TRIM37: variants seen among roughly 807,000 people sequenced by gnomAD.
TRIM37 encodes the protein E3 ubiquitin-protein ligase TRIM37.
Under a neutral mutation model 129.8 loss-of-function variants are expected in TRIM37, and 80 were observed. That is an observed-to-expected ratio of 0.62 (90% CI 0.51 to 0.74). The LOEUF (loss-of-function observed/expected upper bound fraction) is 0.74. Among genes scored for constraint, TRIM37 ranks in the 30% least tolerant of loss-of-function variants. The probability of loss-of-function intolerance (pLI) is 0.00; values close to 1 mark genes in which losing one functional copy is unlikely to be tolerated. For missense variants in TRIM37, 1,054 were observed against 1,176.5 expected (o/e 0.90, Z 1.52); for synonymous variants, 389 against 387.1 (o/e 1.00, Z -0.06).
intron 21 of TRIM37, among the ~76,000 whole-genome samples, 195 bp downstream of exon 21, chr17:59,015,415 G>A (rs1046126954): frequency 6.6e-6 from 1 of 152,064 alleles, no homozygotes; most frequent in Non-Finnish European, 1.5e-5. Flanking sequence ...ACTCCAGCCT[G>A]GGTGACAGAG....
rs1307890925 is a variant in TRIM37 at position 58,983,108 on chromosome 17, A to C, written c.2892-187T>G. ...GCTAGGCTTTCTCAGTGGGGAAAAA[A>C]ATGGCTGGATAGAACTGGGACAAAC... On this transcript the variant is annotated intron_variant, in intron 24 of 24. Transcript: ENST00000393066. 7.0e-6 allele frequency: 4 copies of C among 568,720 alleles called. No homozygotes were observed. In the African/African-American group the frequency reaches 7.6e-5, roughly 11 times the overall value. 35.2% of individuals were successfully genotyped at this position (568,720 alleles called of 1,614,324 possible). A position where few individuals can be genotyped will look rare whatever the true frequency, so the allele number is the denominator to read the frequency against.
intron 3 of TRIM37, among the ~76,000 whole-genome samples, chr17:59,090,523 G>A (rs566972900): frequency 2.3e-4 from 35 of 152,234 alleles, no homozygotes; most frequent in Non-Finnish European, 4.3e-4. Context: ...TGAGAAGACA[G>A]GGTAGGGAGT....
At chr17:58,992,238 G>C (rs1254381329) in intron 24 of TRIM37, among the ~76,000 whole-genome samples, 1 of 105,590 alleles carries the variant, frequency 9.5e-6, no homozygotes, top group East Asian at 2.6e-4. Context: ...TTACTCTCCA[G>C]GCACACTGAT....
the TRIM37 span, among the ~76,000 whole-genome samples, chr17:58,968,640 C>G: frequency 4.3e-4 from 66 of 152,286 alleles, no homozygotes; most frequent in African/African-American, 1.5e-3. Flanking sequence ...TTATTACATA[C>G]TGTTGCCTGA....
chr17:59,083,905 T>C (rs1217952256), intron 5 of TRIM37, 97 bp downstream of exon 5: 1 of 990,632 alleles, frequency 1.0e-6, no homozygotes, highest in African/African-American at 1.6e-5. Flanking sequence ...TAACTTTCAT[T>C]CTACGAGAGC....
intron 2 of TRIM37, among the ~76,000 whole-genome samples, chr17:59,099,069 G>C (rs1351457636): frequency 6.6e-6 from 1 of 152,090 alleles, no homozygotes; most frequent in Non-Finnish European, 1.5e-5. Context: ...TGTAGTCCCA[G>C]CTACTCGGGA....
downstream of TRIM37, chr17:58,981,140 G>A: frequency 1.3e-6 from 1 of 743,606 alleles, no homozygotes; most frequent in South Asian, 2.0e-5. Flanking sequence ...TGAATCCATG[G>A]ATGGCTCAAT....
At chr17:59,093,745 C>T (rs996632950) in intron 2 of TRIM37, among the ~76,000 whole-genome samples, 2 of 152,170 alleles carry the variant, frequency 1.3e-5, no homozygotes, top group Non-Finnish European at 2.9e-5. Context: ...TATATCTGTG[C>T]ATTTGCTTAT....
intron 5 of TRIM37, among the ~76,000 whole-genome samples, chr17:59,083,459 A>G (rs2043486082): frequency 6.6e-6 from 1 of 152,114 alleles, no homozygotes; most frequent in Non-Finnish European, 1.5e-5. Flanking sequence ...AGTATTCAGT[A>G]AACAACAGAA....
At chr17:58,969,456 G>A in the TRIM37 span, 3 of 1,308,252 alleles carry the variant, frequency 2.3e-6, no homozygotes, top group East Asian at 2.3e-5. Flanking sequence ...GAGAAAGGAT[G>A]GGCAACAATG....
downstream of TRIM37, chr17:58,980,346 C>T (rs1400032797): frequency 6.2e-7 from 1 of 1,614,102 alleles, no homozygotes; most frequent in Non-Finnish European, 8.5e-7. The surrounding 1 kb of genome is among the most constrained non-coding windows in gnomAD (Gnocchi z 4.7). Context: ...TGCAAACGCC[C>T]TTGGCCTCAG....
chr17:59,092,461 G>T (rs968229003), intron 2 of TRIM37, among the ~76,000 whole-genome samples: 2 of 151,394 alleles, frequency 1.3e-5, no homozygotes, highest in African/African-American at 4.9e-5. Context: ...AGATATCTTG[G>T]TTTCCTCATA....
At chr17:58,980,300 G>C, downstream of TRIM37, 1 of 1,614,170 alleles carries the variant, frequency 6.2e-7, no homozygotes, top group Non-Finnish European at 8.5e-7. The surrounding 1 kb of genome is among the most constrained non-coding windows in gnomAD (Gnocchi z 4.7). Context: ...AGGAGGGCAA[G>C]AAGATGGTGG....
intron 13 of TRIM37, among the ~76,000 whole-genome samples, 160 bp downstream of exon 13, chr17:59,056,715 C>CAAAAAA (rs2040928347): frequency 2.5e-4 from 1 of 3,926 alleles, no homozygotes; most frequent in Admixed American, 7.5e-3. Flanking sequence ...GACTATGTCT[C>CAAAAAA]CAAAAAAAAA....
chr17:58,999,030 T>A lies in TRIM37; in HGVS notation c.*347A>T. ...AGAGCACCAATGCCGGGCGGGTTAC[T>A]GACGGCATGCAGGGCCTGGAGGTAC... is the stretch of plus-strand genomic sequence containing the variant. On this transcript the variant is annotated 3_prime_UTR_variant, in exon 24 of 24. Coordinates refer to ENST00000262294, the MANE Select transcript of TRIM37 (RefSeq NM_015294.6). The A allele has an allele frequency of 8.8e-7, 1 of 1,130,824 alleles. No homozygotes were observed. Among genetic ancestry groups the A allele is most frequent in the Non-Finnish European group, 1.1e-6 (1 of 916,890 alleles). 70.0% of individuals were successfully genotyped at this position (1,130,824 alleles called of 1,614,324 possible). A position where few individuals can be genotyped will look rare whatever the true frequency, so the allele number is the denominator to read the frequency against.
In TRIM37 at chr17:58,990,218, T is replaced by C. The variant is rs533342132; in HGVS notation, c.2892-7297A>G. Among the ~76,000 whole-genome samples the C allele has an allele frequency of 9.1e-4, 120 of 131,896 alleles. 1 individual carries two copies. Among genetic ancestry groups the C allele is most frequent in the African/African-American group, 3.4e-3 (119 of 34,666 alleles). The allele number at this position is 131,896 out of a possible 152,430, so 86.5% of individuals were successfully genotyped here. ...AAAAAAAAAAAAAAAAGGCTAGGCA[T>C]GGTAGCTCACACCTATAATCCCAGC... On this transcript the variant is annotated intron_variant, in intron 24 of 24. Coordinates refer to the TRIM37 transcript ENST00000393066.
rs948870325 is a variant in TRIM37, at chr17:59,010,726, C to T, written c.2695+1602G>A. ...CAGGCTGGTCTCGAACTCCTGACTTCAAGTGATCCGCCTGCCTCAGCCTCC... is the reference window on the plus strand; with the variant it reads ...CAGGCTGGTCTCGAACTCCTGACTTTAAGTGATCCGCCTGCCTCAGCCTCC... On this transcript the variant is annotated intron_variant, in intron 22 of 23. Coordinates refer to ENST00000262294, the MANE Select transcript of TRIM37 (RefSeq NM_015294.6). Among the ~76,000 whole-genome samples, 4 of 152,088 alleles carry T rather than the reference C, an allele frequency of 2.6e-5. No homozygotes were observed. In the East Asian group the frequency reaches 7.7e-4, roughly 29 times the overall value.
intron 7 of TRIM37, among the ~76,000 whole-genome samples, chr17:59,079,542 A>C (rs916840833): frequency 6.6e-6 from 1 of 152,182 alleles, no homozygotes; most frequent in Non-Finnish European, 1.5e-5. Flanking sequence ...ATGGCTATGA[A>C]AACTTGGATT....
At chr17:59,051,965 CG>C (rs1473687455) in intron 13 of TRIM37, among the ~76,000 whole-genome samples, 1 of 152,012 alleles carries the variant, frequency 6.6e-6, no homozygotes, top group Admixed American at 6.6e-5. Context: ...CTCACGTTCC[CG>C]TATTTCCTGC....
Sources: gnomAD v4.1 joint callset for allele counts (sites outside exome capture counted in the v4.1 genomes callset) on GRCh38, gnomAD v4.1.1 for gene constraint, Gnocchi (gnomAD v3.1) non-coding constraint, MANE v1.5 for transcripts, NCBI Gene and HGNC (gene_info 2026-07-23, HGNC 2026-07-21) for gene names.